The following VAMP4 variants were observed in gnomAD, a reference collection of about 807,000 sequenced individuals.
VAMP4 encodes the protein vesicle associated membrane protein 4.
In VAMP4, 19 loss-of-function variants were observed where a neutral mutation model predicts 23.5. The ratio of observed to expected loss-of-function variants is 0.81; its 90% CI spans 0.56 to 1.19. The LOEUF (loss-of-function observed/expected upper bound fraction) is 1.19, where lower values mean the gene tolerates loss of function less well. VAMP4 is among the 50% of genes most tolerant of loss of function. The pLI, the probability that VAMP4 is intolerant of heterozygous loss-of-function variation, is 0.00. For missense variants in VAMP4, 145 were observed against 168.6 expected (o/e 0.86, Z 0.78); for synonymous variants, 31 against 51.0 (o/e 0.61, Z 1.67).
At chr1:171,710,947 CTT>C in intron 4 of VAMP4, 133 bp from the exon 5 acceptor site, 1 of 622,118 alleles carries the variant, frequency 1.6e-6, no homozygotes, top group Non-Finnish European at 2.6e-6. Context: ...AAATTTAAGA[CTT>C]TGTAGCAATG....
At chr1:171,705,223 C>T (rs1455754008) in intron 7 of VAMP4, among the ~76,000 whole-genome samples, 1 of 152,050 alleles carries the variant, frequency 6.6e-6, no homozygotes, top group African/African-American at 2.4e-5. Context: ...ATTATTGATT[C>T]AGTAACACTG....
chr1:171,734,967 G>A (rs1045708946), intron 2 of VAMP4, among the ~76,000 whole-genome samples: 8 of 152,086 alleles, frequency 5.3e-5, no homozygotes, highest in Non-Finnish European at 1.2e-4. Context: ...TCCTGCCCTT[G>A]TTATTAGGGT....
chr1:171,702,021 T>A lies in VAMP4; in HGVS notation c.*2485A>T, dbSNP rs145141247. The A allele has an allele frequency of 6.6e-5, 10 of 152,218 alleles. No individual in the cohort carries two copies. The East Asian group carries it at 1.9e-3, about 29-fold the overall frequency. 9.4% of individuals were successfully genotyped at this position (152,218 alleles called of 1,614,324 possible). A position where few individuals can be genotyped will look rare whatever the true frequency, so the allele number is the denominator to read the frequency against. On this transcript the variant is annotated 3_prime_UTR_variant, in exon 8 of 8. Transcript: ENST00000236192. ...GAATTTTTCTGTTGATCTTCACTTGTTGTTAAATAATGATAGTTTTGATGG... is the reference window on the plus strand; with the variant it reads ...GAATTTTTCTGTTGATCTTCACTTGATGTTAAATAATGATAGTTTTGATGG...
intron 7 of VAMP4, among the ~76,000 whole-genome samples, chr1:171,705,377 CA>C (rs1286878676): frequency 5.9e-5 from 9 of 152,092 alleles, no homozygotes; most frequent in Non-Finnish European, 5.9e-5. Context: ...CCATTTTAAA[CA>C]GTGAAATCAC....
At position 171,702,761 on chromosome 1, in the gene VAMP4, A is replaced by ATAT. The variant is rs1654487851; in HGVS notation, c.*1742_*1744dup. On this transcript the variant is annotated 3_prime_UTR_variant, in exon 8 of 8. Transcript: ENST00000236192. ...TTTATTAGCTGTTCAGATGCTGTTT[A>ATAT]TATTAATTGACATTTACAAAGAGCA... is the stretch of plus-strand genomic sequence containing the variant. 1.3e-5 allele frequency: 2 copies of ATAT among 152,034 alleles called. No individual in the cohort carries two copies. Among genetic ancestry groups the ATAT allele is most frequent in the African/African-American group, 4.8e-5 (2 of 41,450 alleles). 9.4% of individuals were successfully genotyped at this position (152,034 alleles called of 1,614,324 possible).
At chr1:171,719,102 G>T in intron 4 of VAMP4, 69 bp downstream of exon 4, 2 of 1,413,202 alleles carry the variant, frequency 1.4e-6, no homozygotes, top group Non-Finnish European at 2.0e-6. Context: ...TGGCTCACAG[G>T]CTGCAGTTTG....
At chr1:171,741,820 A>T (rs1233430092) in intron 1 of VAMP4, 90 bp downstream of exon 1, 1 of 151,902 alleles carries the variant, frequency 6.6e-6, no homozygotes, top group Non-Finnish European at 1.5e-5. Flanking sequence ...CCCGACTAGG[A>T]CGTCGGGGGG....
chr1:171,726,210 C>T (rs1248767294), intron 3 of VAMP4, among the ~76,000 whole-genome samples: 1 of 151,418 alleles, frequency 6.6e-6, no homozygotes, highest in Non-Finnish European at 1.5e-5. Context: ...TGCCACCATG[C>T]CTGGCTAATT....
intron 4 of VAMP4, among the ~76,000 whole-genome samples, chr1:171,712,236 G>A (rs941772937): frequency 6.6e-6 from 1 of 152,062 alleles, no homozygotes; most frequent in Non-Finnish European, 1.5e-5. Context: ...TGTGTAGGGG[G>A]CTTTAAAAAT....
chr1:171,729,861 C>A (rs552037514), intron 2 of VAMP4, among the ~76,000 whole-genome samples: 1 of 152,222 alleles, frequency 6.6e-6, no homozygotes, highest in South Asian at 2.1e-4. Context: ...TGTTACCTTG[C>A]ATGGTAAAAG....
At chr1:171,727,482 C>T (rs995427652) in intron 3 of VAMP4, among the ~76,000 whole-genome samples, 2 of 152,062 alleles carry the variant, frequency 1.3e-5, no homozygotes, top group African/African-American at 2.4e-5. Flanking sequence ...TATGTAATGA[C>T]GAGGATATGG....
intron 4 of VAMP4, 91 bp from the exon 5 acceptor site, chr1:171,710,905 A>T: frequency 1.1e-6 from 1 of 876,758 alleles, no homozygotes; most frequent in Non-Finnish European, 1.7e-6. Context: ...AAGAATAGCA[A>T]ATTCTCAGAG....
At chr1:171,734,217 G>A (rs531323034) in intron 2 of VAMP4, among the ~76,000 whole-genome samples, 2 of 141,240 alleles carry the variant, frequency 1.4e-5, no homozygotes, top group East Asian at 2.1e-4. Flanking sequence ...GCAGTGAGCC[G>A]AGATCGCACC....
In VAMP4 at chr1:171,702,721, TCTTAA is replaced by T. The variant is rs1490340078; in HGVS notation, c.*1780_*1784del. The T allele has an allele frequency of 1.3e-5, 2 of 152,062 alleles. No homozygotes were observed. Among genetic ancestry groups the T allele is most frequent in the Non-Finnish European group, 2.9e-5 (2 of 67,896 alleles). 9.4% of individuals were successfully genotyped at this position (152,062 alleles called of 1,614,324 possible). A position where few individuals can be genotyped will look rare whatever the true frequency, so the allele number is the denominator to read the frequency against. ...CTAAAAATGCTCATTTTTCTGGGTA[TCTTAA>T]CTTAAAAGATTTATTAGCTGTTCAG... On this transcript the variant is annotated 3_prime_UTR_variant, in exon 8 of 8. Transcript: ENST00000236192.
chr1:171,728,526 A>C lies in VAMP4; in HGVS notation c.111T>G (p.Phe37Leu). The C allele has an allele frequency of 2.6e-6, 4 of 1,538,162 alleles. No individual in the cohort carries two copies. Among genetic ancestry groups the C allele is most frequent in the Non-Finnish European group, 3.5e-6 (4 of 1,143,924 alleles). ...EDDSDEEEDF[F>L]LRGPSGPRFG... ...TAAAGCTGTAAAAAAAAACTTACAGAAAAAAGTCCTCTTCTTCATCTGAAT... is the reference window on the plus strand; with the variant it reads ...TAAAGCTGTAAAAAAAAACTTACAGCAAAAAGTCCTCTTCTTCATCTGAAT... The change falls in exon 3 of 8, where the codon TTT (phenylalanine) becomes TTG (leucine). Residue 37 changes from phenylalanine to leucine, a missense_variant and splice_region_variant. Phe to Leu is a conservative substitution (Grantham distance 22). Coordinates refer to ENST00000236192, the MANE Select transcript of VAMP4 (RefSeq NM_003762.5).
At position 171,738,261 on chromosome 1, in the gene VAMP4, C is replaced by G. The variant is rs552814629; in HGVS notation, c.66+88G>C. 1.1e-5 allele frequency: 17 copies of G among 1,492,900 alleles called. No homozygotes were observed. The African/African-American group carries it at 2.2e-4, about 20-fold the overall frequency. The allele number at this position is 1,492,900 out of a possible 1,614,324, so 92.5% of individuals were successfully genotyped here. ...GCGATTGCAGGCATGAGCAACCACG[C>G]CCGGATGGTTTTTCTTCTATTATTC... On this transcript the variant is annotated intron_variant, in intron 2 of 7. Coordinates refer to ENST00000236192, the MANE Select transcript of VAMP4 (RefSeq NM_003762.5).
chr1:171,727,146 G>C (rs577599356), intron 3 of VAMP4, among the ~76,000 whole-genome samples: 1 of 147,430 alleles, frequency 6.8e-6, no homozygotes, highest in African/African-American at 2.5e-5. Context: ...AGGCTGAGGC[G>C]AGAAGATCAT....
intron 3 of VAMP4, among the ~76,000 whole-genome samples, chr1:171,727,892 G>A (rs1180205075): frequency 6.6e-6 from 1 of 152,192 alleles, no homozygotes; most frequent in Non-Finnish European, 1.5e-5. Flanking sequence ...TACAGTGACA[G>A]AAAGCAGAGC....
At chr1:171,720,456 T>C (rs1392726476) in intron 3 of VAMP4, among the ~76,000 whole-genome samples, 1 of 152,072 alleles carries the variant, frequency 6.6e-6, no homozygotes, top group East Asian at 1.9e-4. Flanking sequence ...AGCTGGTTCT[T>C]TGAAAATTAA....
Sources: allele counts gnomAD v4.1 joint callset (sites outside exome capture counted in the v4.1 genomes callset), GRCh38; gene constraint gnomAD v4.1.1; transcripts MANE v1.5; gene names NCBI Gene and HGNC (gene_info 2026-07-23, HGNC 2026-07-21).